The following CTDP1 variants were observed in gnomAD, a reference collection of about 807,000 sequenced individuals.
CTDP1 encodes RNA polymerase II subunit A C-terminal domain phosphatase.
CTDP1 carries 47 observed loss-of-function variants against 91.8 expected under a neutral mutation model. That is an observed-to-expected ratio of 0.51 (90% CI 0.41 to 0.65). The LOEUF (loss-of-function observed/expected upper bound fraction) is 0.65, where lower values mean the gene tolerates loss of function less well. Among genes scored for constraint, CTDP1 ranks in the 30% least tolerant of loss-of-function variants. The pLI, the probability that CTDP1 is intolerant of heterozygous loss-of-function variation, is 0.00. For missense variants in CTDP1, 1,272 were observed against 1,373.7 expected (o/e 0.93, Z 1.17); for synonymous variants, 656 against 598.5 (o/e 1.10, Z -1.40).
chr18:79,708,457 G>A (rs1156762963), intron 5 of CTDP1, among the ~76,000 whole-genome samples: 1 of 152,238 alleles, frequency 6.6e-6, no homozygotes, highest in Non-Finnish European at 1.5e-5. Flanking sequence ...GTCAGGGCAC[G>A]TTCAGATCCG....
intron 12 of CTDP1, among the ~76,000 whole-genome samples, chr18:79,736,726 CGTGTGAGGT>C (rs2122786377): frequency 7.0e-6 from 1 of 142,464 alleles, no homozygotes; most frequent in South Asian, 2.4e-4. Context: ...TGTGTGCAGG[CGTGTGAGGT>C]GTGTGCAGGT....
intron 1 of CTDP1, 109 bp from the exon 2 acceptor site, chr18:79,695,114 AGG>A: frequency 2.2e-6 from 2 of 929,060 alleles, no homozygotes; most frequent in South Asian, 2.8e-5. Flanking sequence ...AAGTTATGCA[AGG>A]GTTAGTGTAG....
Position 79,717,093 on chromosome 18 carries a change from C to G in CTDP1, c.2069-442C>G, listed in dbSNP as rs561927711. 1.3e-3 allele frequency among the ~76,000 whole-genome samples: 172 copies of G among 130,836 alleles called. 2 individuals are homozygous for G. Among genetic ancestry groups the G allele is most frequent in the African/African-American group, 3.5e-3 (121 of 34,340 alleles). 85.8% of individuals were successfully genotyped at this position (130,836 alleles called of 152,430 possible). A position where few individuals can be genotyped will look rare whatever the true frequency, so the allele number is the denominator to read the frequency against. On this transcript the variant is annotated intron_variant, in intron 8 of 12. Transcript: ENST00000613122. The stretch of plus-strand genomic sequence containing the variant: ...GGTGAGGGCCCTGAGCCCTGGTGGG[C>G]TGCAGCCGAGTGAGGGCCCTGAGCC...
chr18:79,678,230 G>C (rs375142120), upstream of CTDP1: 1 of 152,354 alleles, frequency 6.6e-6, no homozygotes, highest in South Asian at 2.1e-4. Context: ...ACATTCAAAT[G>C]AGGCGACAAT....
intron 5 of CTDP1, among the ~76,000 whole-genome samples, chr18:79,705,424 A>C (rs989595693): frequency 6.6e-6 from 1 of 152,200 alleles, no homozygotes; most frequent in Admixed American, 6.5e-5. Flanking sequence ...GGACAGTGCC[A>C]CGGGACGGTG....
At chr18:79,746,838 C>G (rs1310683158) in intron 12 of CTDP1, among the ~76,000 whole-genome samples, 1 of 152,110 alleles carries the variant, frequency 6.6e-6, no homozygotes, top group Non-Finnish European at 1.5e-5. Flanking sequence ...CCATTGAGAC[C>G]AGCCTGGCCT....
intron 12 of CTDP1, among the ~76,000 whole-genome samples, chr18:79,740,607 T>C (rs902385701): frequency 1.3e-5 from 2 of 152,246 alleles, no homozygotes; most frequent in African/African-American, 2.4e-5. Context: ...TGGAGGTCAC[T>C]CTGCTCTTTC....
chr18:79,713,287 A>G lies in CTDP1; in HGVS notation c.1030+149A>G. Reference sequence around the variant, plus strand: ...AGTAGAGATTATTGGATTTATTTATAGAGTACTGAAAAACAGGATATTAGG... The same window carrying G: ...AGTAGAGATTATTGGATTTATTTATGGAGTACTGAAAAACAGGATATTAGG... On this transcript the variant is annotated intron_variant, in intron 7 of 12. Coordinates refer to ENST00000613122, the MANE Select transcript of CTDP1 (RefSeq NM_004715.5). This position sits in a 1 kb window ranked among gnomAD's most constrained non-coding sequence, Gnocchi z 4.7. 1.0e-6 allele frequency: 1 copy of G among 961,194 alleles called. No homozygotes were observed. Among genetic ancestry groups the G allele is most frequent in the Non-Finnish European group, 1.6e-6 (1 of 641,592 alleles). 59.5% of individuals were successfully genotyped at this position (961,194 alleles called of 1,614,324 possible).
rs751409711 is a variant in CTDP1 at position 79,704,901 on chromosome 18, C to T, written c.756C>T (p.Tyr252=). 1.1e-4 allele frequency: 170 copies of T among 1,613,362 alleles called. No homozygotes were observed. Among genetic ancestry groups the T allele is most frequent in the South Asian group, 2.1e-4 (19 of 91,088 alleles). Residue 252 remains tyrosine, a synonymous_variant, in exon 5 of 13, where the codon TAC becomes TAT. Transcript: ENST00000613122. Reference sequence around the variant, plus strand: ...TCTTCACCTTCGGCAGCCGGCTGTACGCACACACCATCGCAGGTCAGTCAA... The same window carrying T: ...TCTTCACCTTCGGCAGCCGGCTGTATGCACACACCATCGCAGGTCAGTCAA... ...LHVFTFGSRL[Y]AHTIAGFLDP... is the part of the protein sequence containing the mutation.
At chr18:79,698,671 A>G (rs545359494) in intron 4 of CTDP1, among the ~76,000 whole-genome samples, 1 of 152,326 alleles carries the variant, frequency 6.6e-6, no homozygotes, top group East Asian at 1.9e-4. Context: ...GCCCTCACCA[A>G]CACTGAGTTG....
intron 1 of CTDP1, among the ~76,000 whole-genome samples, chr18:79,686,950 C>A (rs375686514): frequency 1.4e-4 from 17 of 120,724 alleles, no homozygotes; most frequent in African/African-American, 5.7e-4. Flanking sequence ...ACTGGTGGGC[C>A]TGCACCGCAG....
At chr18:79,700,462 C>T (rs2085835416) in intron 4 of CTDP1, among the ~76,000 whole-genome samples, 1 of 152,176 alleles carries the variant, frequency 6.6e-6, no homozygotes, top group South Asian at 2.1e-4. Flanking sequence ...AAGATCAAAC[C>T]AGTCACAACA....
At chr18:79,704,317 T>A (rs1284564819) in intron 4 of CTDP1, among the ~76,000 whole-genome samples, 2 of 152,110 alleles carry the variant, frequency 1.3e-5, no homozygotes, top group African/African-American at 4.8e-5. Context: ...CTGTCCCATG[T>A]GGAGGGGCGG....
chr18:79,733,506 C>T (rs185521890), intron 11 of CTDP1, among the ~76,000 whole-genome samples: 21 of 152,314 alleles, frequency 1.4e-4, no homozygotes, highest in Admixed American at 4.6e-4. Flanking sequence ...AGCCGGCGTC[C>T]GCTGCCTCTG....
intron 11 of CTDP1, among the ~76,000 whole-genome samples, chr18:79,730,161 TTCTG>T (rs1274274670): frequency 5.9e-5 from 9 of 152,244 alleles, no homozygotes; most frequent in Admixed American, 5.2e-4. Flanking sequence ...TCTGCCATTT[TTCTG>T]TCTTTTTGAA....
intron 4 of CTDP1, among the ~76,000 whole-genome samples, chr18:79,698,389 G>A (rs1457304325): frequency 2.0e-5 from 3 of 152,164 alleles, no homozygotes; most frequent in African/African-American, 7.2e-5. Context: ...GATGTCAAGG[G>A]CAGGTGGACG....
chr18:79,707,493 T>A (rs2085991193), intron 5 of CTDP1, among the ~76,000 whole-genome samples: 1 of 152,264 alleles, frequency 6.6e-6, no homozygotes, highest in African/African-American at 2.4e-5. Flanking sequence ...CTAGGTTTGT[T>A]GAGCGTCACC....
intron 10 of CTDP1, among the ~76,000 whole-genome samples, chr18:79,728,302 G>T (rs1377400162): frequency 6.6e-6 from 1 of 152,164 alleles, no homozygotes; most frequent in African/African-American, 2.4e-5. Context: ...GTTTAGCCAT[G>T]TTGGCCAGGC....
intron 1 of CTDP1, among the ~76,000 whole-genome samples, chr18:79,683,868 C>T (rs1330794224): frequency 6.6e-6 from 1 of 152,202 alleles, no homozygotes; most frequent in Non-Finnish European, 1.5e-5. Context: ...TCGCTGTGTT[C>T]ACCCTGCAGG....
Sources: gnomAD v4.1 joint callset for allele counts (sites outside exome capture counted in the v4.1 genomes callset) on GRCh38, gnomAD v4.1.1 for gene constraint, Gnocchi (gnomAD v3.1) non-coding constraint, MANE v1.5 for transcripts, NCBI Gene and HGNC (gene_info 2026-07-23, HGNC 2026-07-21) for gene names.